Variants in PDE1C observed in about 807,000 individuals in gnomAD.
The protein encoded by PDE1C is dual specificity calcium/calmodulin-dependent 3',5'-cyclic nucleotide phosphodiesterase 1C.
In PDE1C, 62 loss-of-function variants were observed where a neutral mutation model predicts 93.1. That is an observed-to-expected ratio of 0.67 (90% confidence interval 0.54 to 0.82). The LOEUF is 0.82. Among genes scored for constraint, PDE1C ranks in the 40% least tolerant of loss-of-function variants. PDE1C has a pLI of 0.00. For synonymous variants in PDE1C, 325 were observed against 310.1 expected (o/e 1.05, Z -0.50); for missense variants, 742 against 884.6 (o/e 0.84, Z 2.04).
chr7:31,770,089 A>G (rs187056038), intron 17 of PDE1C, among the ~76,000 whole-genome samples: 3 of 152,254 alleles, frequency 2.0e-5, no homozygotes, highest in African/African-American at 7.2e-5. Context: ...TTGTTTTATT[A>G]TTATTATAGC....
intron 2 of PDE1C, among the ~76,000 whole-genome samples, chr7:32,185,247 GAAAAAAAA>G (rs60570476): frequency 2.0e-3 from 202 of 101,568 alleles, no homozygotes; most frequent in African/African-American, 6.5e-3. Flanking sequence ...CTCTGTCTCA[GAAAAAAAA>G]AAAAAAAAAA....
chr7:31,652,437 G>A, the PDE1C span: 1 of 1,491,698 alleles, frequency 6.7e-7, no homozygotes, highest in Non-Finnish European at 9.0e-7. Context: ...ACCTCATAAT[G>A]CCTAGCTCAC....
At chr7:32,124,929 C>T (rs762162503) in intron 3 of PDE1C, among the ~76,000 whole-genome samples, 41 of 152,134 alleles carry the variant, frequency 2.7e-4, no homozygotes, top group Non-Finnish European at 4.9e-4. Context: ...TTAGAGTAAA[C>T]AGGCAACCTA....
intron 2 of PDE1C, among the ~76,000 whole-genome samples, chr7:32,034,725 G>A (rs1285874409): frequency 6.6e-6 from 1 of 152,074 alleles, no homozygotes; most frequent in Non-Finnish European, 1.5e-5. Context: ...AAATACAGAG[G>A]CAAGGTAGCA....
chr7:31,968,070 A>C (rs1311467379), intron 2 of PDE1C, among the ~76,000 whole-genome samples: 1 of 152,160 alleles, frequency 6.6e-6, no homozygotes. Flanking sequence ...GCCCTCTCTC[A>C]CCACTCCTAT....
rs1173091649 is a variant in PDE1C, at chr7:32,393,989, T to C, written c.310+33833A>G. 2.0e-5 allele frequency among the ~76,000 whole-genome samples: 3 copies of C among 152,206 alleles called. No individual in the cohort carries two copies. In the East Asian group the frequency reaches 5.8e-4, roughly 29 times the overall value. On this transcript the variant is annotated intron_variant, in intron 1 of 1. Transcript: ENST00000672256. Reference sequence around the variant, plus strand: ...GGAAATGTATACCCTTCATGCTTTTTTAAGATTGATAAAAGAAAAAATACA... The same window carrying C: ...GGAAATGTATACCCTTCATGCTTTTCTAAGATTGATAAAAGAAAAAATACA...
chr7:32,344,777 T>G (rs1783820673), intron 1 of PDE1C, among the ~76,000 whole-genome samples: 1 of 152,158 alleles, frequency 6.6e-6, no homozygotes, highest in Non-Finnish European at 1.5e-5. Context: ...TCCAGGAATC[T>G]AAGCTCCACG....
chr7:31,838,188 T>C (rs1791365460), intron 9 of PDE1C, among the ~76,000 whole-genome samples: 1 of 152,192 alleles, frequency 6.6e-6, no homozygotes, highest in South Asian at 2.1e-4. Flanking sequence ...GGAATACACA[T>C]ATCATTTGGA....
At position 31,789,997 on chromosome 7, in the gene PDE1C, G is replaced by A. The variant is rs558924042; in HGVS notation, c.1892-14265C>T. On this transcript the variant is annotated intron_variant, in intron 16 of 17. Transcript: ENST00000396191. The stretch of plus-strand genomic sequence containing the variant: ...TCTGTTTGAGTAAAAATCTCACGTT[G>A]TTTGTTTTGCTCAGGGGAATATCCC... 4.7e-6 allele frequency: 6 copies of A among 1,266,454 alleles called. No homozygotes were observed. In the African/African-American group the frequency reaches 6.2e-5, roughly 13 times the overall value. The allele number at this position is 1,266,454 out of a possible 1,614,324, so 78.5% of individuals were successfully genotyped here.
At chr7:31,825,400 G>A (rs2128742981) in intron 12 of PDE1C, among the ~76,000 whole-genome samples, 1 of 152,220 alleles carries the variant, frequency 6.6e-6, no homozygotes, top group Admixed American at 6.5e-5. Context: ...AGATGGGAGG[G>A]TGTAAGATGT....
chr7:31,711,247 T>A, the PDE1C span, among the ~76,000 whole-genome samples: 1 of 152,354 alleles, frequency 6.6e-6, no homozygotes, highest in African/African-American at 2.4e-5. Context: ...AAACAATATA[T>A]ACTTTAATAT....
At chr7:31,710,222 A>G in the PDE1C span, among the ~76,000 whole-genome samples, 1 of 152,230 alleles carries the variant, frequency 6.6e-6, no homozygotes, top group Admixed American at 6.5e-5. Flanking sequence ...GGCTCAAACT[A>G]AAAGAGGTTT....
At position 31,794,065 on chromosome 7, in the gene PDE1C, C is replaced by T. The variant is rs796490926; in HGVS notation, c.1891+14966G>A. Among the ~76,000 whole-genome samples, 128 of 133,678 alleles carry T rather than the reference C, an allele frequency of 9.6e-4. No individual in the cohort carries two copies. In the Middle Eastern group the frequency reaches 0.015, roughly 16 times the overall value. The allele number at this position is 133,678 out of a possible 152,430, so 87.7% of individuals were successfully genotyped here. A position where few individuals can be genotyped will look rare whatever the true frequency, so the allele number is the denominator to read the frequency against. Reference sequence around the variant, plus strand: ...ATAGACAGACAGACAGACAGACAGACAGACAGACAGACAGACAGACAGACA... The same window carrying T: ...ATAGACAGACAGACAGACAGACAGATAGACAGACAGACAGACAGACAGACA... On this transcript the variant is annotated intron_variant, in intron 16 of 17. Transcript: ENST00000396191.
At position 32,211,121 on chromosome 7, in the gene PDE1C, A is replaced by C. The variant is rs868222310; in HGVS notation, c.86-1582T>G. ...CTACTCGGGAGGCTGAGGCAGGAGA[A>C]TCAATTGAACCTGGGAGGTGGAAGT... is the stretch of plus-strand genomic sequence containing the variant. On this transcript the variant is annotated intron_variant, in intron 1 of 18. Coordinates refer to the PDE1C transcript ENST00000396193. Among the ~76,000 whole-genome samples the C allele has an allele frequency of 5.9e-5, 9 of 152,120 alleles. No homozygotes were observed. In the South Asian group the frequency reaches 8.3e-4, roughly 14 times the overall value.
At chr7:32,166,719 A>G (rs1358925337) in intron 3 of PDE1C, among the ~76,000 whole-genome samples, 1 of 152,220 alleles carries the variant, frequency 6.6e-6, no homozygotes, top group Non-Finnish European at 1.5e-5. Context: ...AGTAACTGAC[A>G]TTAATCCAGT....
rs560108499 is a variant in PDE1C, at chr7:31,897,644, G to T, written c.129-16784C>A. Among the ~76,000 whole-genome samples the T allele has an allele frequency of 1.3e-5, 2 of 151,984 alleles. 1 individual carries two copies. The highest frequency in any genetic ancestry group is 1.3e-4 in the Admixed American group (2 of 15,248). ...CTACTTTTCTCTAATATTGTTTTCTGTCTCTCTCTGGACACTCTCTGAGGA... is the reference window on the plus strand; with the variant it reads ...CTACTTTTCTCTAATATTGTTTTCTTTCTCTCTCTGGACACTCTCTGAGGA... On this transcript the variant is annotated intron_variant, in intron 2 of 17. Coordinates refer to ENST00000396191, the MANE Select transcript of PDE1C (RefSeq NM_001191057.4).
intron 1 of PDE1C, among the ~76,000 whole-genome samples, chr7:32,389,267 G>A (rs889488667): frequency 6.6e-6 from 1 of 151,298 alleles, no homozygotes; most frequent in Non-Finnish European, 1.5e-5. Context: ...CCAGGTTGGA[G>A]TACATTGGTG....
rs192973232 is a variant in PDE1C at position 32,138,914 on chromosome 7, A to C, written c.308+30871T>G. 2.6e-3 allele frequency among the ~76,000 whole-genome samples: 401 copies of C among 152,274 alleles called. 1 individual carries two copies. The highest frequency in any genetic ancestry group is 9.2e-3 in the African/African-American group (383 of 41,566). ...TTTTTAATTTGAAAGGTTTAGAGAAAAGTGCTGTGCAGTAAAACTTTCTGC... is the reference window on the plus strand; with the variant it reads ...TTTTTAATTTGAAAGGTTTAGAGAACAGTGCTGTGCAGTAAAACTTTCTGC... On this transcript the variant is annotated intron_variant, in intron 3 of 18. Coordinates refer to the PDE1C transcript ENST00000396193.
In PDE1C at chr7:31,942,142, C is replaced by A. The variant is rs746826968; in HGVS notation, c.129-61282G>T. On this transcript the variant is annotated intron_variant, in intron 2 of 17. Coordinates refer to ENST00000396191, the MANE Select transcript of PDE1C (RefSeq NM_001191057.4). ...CAGTCACTAAATGTCTTCCTAAGAG[C>A]AGCATGGGGAAACCTCAGGAATAAG... 6.5e-4 allele frequency among the ~76,000 whole-genome samples: 99 copies of A among 152,184 alleles called. 1 individual carries two copies. The Middle Eastern group carries it at 0.017, about 26-fold the overall frequency.
Sources: gnomAD v4.1 joint callset for allele counts (sites outside exome capture counted in the v4.1 genomes callset) on GRCh38, gnomAD v4.1.1 for gene constraint, MANE v1.5 for transcripts, NCBI Gene and HGNC (gene_info 2026-07-23, HGNC 2026-07-21) for gene names.